The following NRXN3 variants were observed in gnomAD, a reference collection of about 807,000 sequenced individuals.
The protein encoded by NRXN3 is neurexin 3.
NRXN3 carries 32 observed loss-of-function variants against 137.6 expected under a neutral mutation model. The ratio of observed to expected loss-of-function variants is 0.23; its 90% CI spans 0.18 to 0.31. The LOEUF is 0.31. Among genes scored for constraint, NRXN3 ranks in the 10% least tolerant of loss-of-function variants. NRXN3 has a pLI of 1.00. For missense variants in NRXN3, 1,574 were observed against 2,062.5 expected, an observed-to-expected ratio of 0.76 and a Z score of 4.59; for synonymous variants, 798 against 784.5, an observed-to-expected ratio of 1.02 and a Z score of -0.29.
chr14:79,225,145 A>G (rs141683039), intron 15 of NRXN3, among the ~76,000 whole-genome samples: 42 of 152,270 alleles, frequency 2.8e-4, no homozygotes, highest in African/African-American at 9.4e-4. Flanking sequence ...GAATAGTCAT[A>G]AAAAGAGCTC....
intron 8 of NRXN3, among the ~76,000 whole-genome samples, chr14:78,751,713 G>C (rs181062066): frequency 6.7e-6 from 1 of 149,660 alleles, no homozygotes; most frequent in African/African-American, 2.4e-5. Flanking sequence ...GGGGACGGAA[G>C]GGGGAAGGAG....
At chr14:79,036,872 G>T (rs1206784829) in intron 15 of NRXN3, among the ~76,000 whole-genome samples, 1 of 151,520 alleles carries the variant, frequency 6.6e-6, no homozygotes, top group Non-Finnish European at 1.5e-5. Flanking sequence ...GAGTTCCTTG[G>T]GTTAATTTCG....
chr14:78,361,278 A>C (rs887676210), intron 4 of NRXN3, among the ~76,000 whole-genome samples: 1 of 152,202 alleles, frequency 6.6e-6, no homozygotes, highest in African/African-American at 2.4e-5. Flanking sequence ...TTCCTGAATG[A>C]TTCTAAAGTG....
chr14:78,283,795 C>A (rs2074772937), intron 3 of NRXN3, among the ~76,000 whole-genome samples: 1 of 152,180 alleles, frequency 6.6e-6, no homozygotes, highest in Admixed American at 6.5e-5. Context: ...AGGTGTGAGC[C>A]ACCTCACCTG....
At chr14:79,431,397 A>G (rs2095751960) in intron 15 of NRXN3, among the ~76,000 whole-genome samples, 1 of 152,210 alleles carries the variant, frequency 6.6e-6, no homozygotes, top group Non-Finnish European at 1.5e-5. Context: ...TAGAGAGTAT[A>G]TTAATTGTTG....
intron 4 of NRXN3, among the ~76,000 whole-genome samples, chr14:78,380,541 A>G (rs2153630290): frequency 6.6e-6 from 1 of 152,318 alleles, no homozygotes; most frequent in African/African-American, 2.4e-5. Context: ...GACAGAGCAG[A>G]GGGAAATGCA....
chr14:78,864,099 G>A (rs1326120067), intron 10 of NRXN3, among the ~76,000 whole-genome samples: 1 of 152,114 alleles, frequency 6.6e-6, no homozygotes, highest in Non-Finnish European at 1.5e-5. Context: ...CTGACTGGAA[G>A]ACTCAAAATA....
At chr14:79,485,324 T>G (rs2096645423) in intron 16 of NRXN3, among the ~76,000 whole-genome samples, 1 of 152,060 alleles carries the variant, frequency 6.6e-6, no homozygotes, top group South Asian at 2.1e-4. Flanking sequence ...CTTAAGAGAG[T>G]AAAGAATTTC....
At chr14:78,516,113 T>C (rs2096202465) in intron 4 of NRXN3, among the ~76,000 whole-genome samples, 1 of 152,012 alleles carries the variant, frequency 6.6e-6, no homozygotes, top group Non-Finnish European at 1.5e-5. Context: ...TAATTAACAT[T>C]GCCTCAATCA....
chr14:78,265,232 T>C (rs1231658743), intron 2 of NRXN3, among the ~76,000 whole-genome samples: 1 of 152,182 alleles, frequency 6.6e-6, no homozygotes, highest in Non-Finnish European at 1.5e-5. Context: ...CAATTTTTTT[T>C]CAAGGTGCAC....
chr14:78,959,992 A>G (rs1225089939), intron 11 of NRXN3, among the ~76,000 whole-genome samples: 3 of 152,222 alleles, frequency 2.0e-5, no homozygotes, highest in Admixed American at 2.0e-4. Flanking sequence ...TGAGGGTACT[A>G]TAATGTGTCT....
At chr14:79,660,108 AG>A (rs1388799540) in intron 16 of NRXN3, among the ~76,000 whole-genome samples, 1 of 152,174 alleles carries the variant, frequency 6.6e-6, no homozygotes, top group East Asian at 1.9e-4. Flanking sequence ...CTGACACCAA[AG>A]CCAATGCTTT....
chr14:78,357,436 A>G (rs753794355), intron 4 of NRXN3, among the ~76,000 whole-genome samples: 2 of 152,176 alleles, frequency 1.3e-5, no homozygotes, highest in African/African-American at 2.4e-5. Flanking sequence ...TGAGATTTGG[A>G]TGGGGACACA....
chr14:79,538,241 T>C (rs1447613209), intron 16 of NRXN3, among the ~76,000 whole-genome samples: 1 of 152,186 alleles, frequency 6.6e-6, no homozygotes, highest in Admixed American at 6.5e-5. Flanking sequence ...ATTTTGTAGG[T>C]TGCTTGTTCA....
chr14:79,002,377 T>C (rs2099543274), intron 15 of NRXN3, among the ~76,000 whole-genome samples: 2 of 152,014 alleles, frequency 1.3e-5, no homozygotes, highest in Non-Finnish European at 2.9e-5. Context: ...TCTGATCCTA[T>C]CCCCTGACAG....
chr14:79,039,958 C>T (rs769160903), intron 15 of NRXN3, among the ~76,000 whole-genome samples: 2 of 152,172 alleles, frequency 1.3e-5, no homozygotes, highest in Non-Finnish European at 2.9e-5. Flanking sequence ...CCTGCCTCAG[C>T]CTCCCAAAGT....
intron 19 of NRXN3, among the ~76,000 whole-genome samples, chr14:79,738,755 C>T (rs2098950786): frequency 6.6e-6 from 1 of 152,072 alleles, no homozygotes; most frequent in Non-Finnish European, 1.5e-5. Flanking sequence ...GACAGGGTTT[C>T]ACCATGTTGG....
At chr14:78,695,329 A>T (rs933921356) in intron 6 of NRXN3, 6 of 152,080 alleles carry the variant, frequency 3.9e-5, no homozygotes, top group Non-Finnish European at 8.8e-5. Flanking sequence ...ATGGATTAGG[A>T]TATATCTTTG....
intron 4 of NRXN3, among the ~76,000 whole-genome samples, chr14:78,500,973 AT>A (rs1001390983): frequency 2.0e-5 from 3 of 152,064 alleles, no homozygotes; most frequent in African/African-American, 7.2e-5. Flanking sequence ...CTCATTTTTT[AT>A]TGTTCTTGGA....
Sources: allele counts gnomAD v4.1 joint callset (sites outside exome capture counted in the v4.1 genomes callset), GRCh38; gene constraint gnomAD v4.1.1; transcripts MANE v1.5; gene names NCBI Gene and HGNC (gene_info 2026-07-23, HGNC 2026-07-21).